Variants in MAP3K5 observed in about 807,000 individuals in gnomAD.
MAP3K5 encodes the protein ASK-1.
Under a neutral mutation model 158.7 loss-of-function variants are expected in MAP3K5, and 56 were observed. The observed-to-expected ratio is 0.35, with a 90% confidence interval of 0.28 to 0.44. The LOEUF (loss-of-function observed/expected upper bound fraction) is 0.44. Among genes scored for constraint, MAP3K5 ranks in the 20% least tolerant of loss-of-function variants. MAP3K5 has a pLI of 1.00. For synonymous variants in MAP3K5, 579 were observed against 601.7 expected, an observed-to-expected ratio of 0.96 and a Z score of 0.55; for missense variants, 1,294 against 1,674.8, an observed-to-expected ratio of 0.77 and a Z score of 3.97.
intron 1 of MAP3K5, among the ~76,000 whole-genome samples, chr6:136,775,333 A>G (rs1395048714): frequency 1.3e-5 from 2 of 152,212 alleles, no homozygotes; most frequent in Admixed American, 1.3e-4. Context: ...AAATGGGACA[A>G]TGACAAGTCT....
At chr6:136,655,145 C>T (rs1460449950) in intron 10 of MAP3K5, among the ~76,000 whole-genome samples, 1 of 152,110 alleles carries the variant, frequency 6.6e-6, no homozygotes, top group East Asian at 1.9e-4. Flanking sequence ...TCTAAACGGG[C>T]TCAAAGTGAC....
At chr6:136,653,463 G>C (rs1010568434) in intron 10 of MAP3K5, among the ~76,000 whole-genome samples, 3 of 152,160 alleles carry the variant, frequency 2.0e-5, no homozygotes, top group African/African-American at 7.2e-5. Flanking sequence ...TGCAACCTTT[G>C]TAGTGTGAGC....
chr6:136,703,844 G>A (rs954409605), intron 3 of MAP3K5, among the ~76,000 whole-genome samples: 4 of 152,194 alleles, frequency 2.6e-5, no homozygotes, highest in African/African-American at 7.2e-5. Flanking sequence ...ATTAGCAATT[G>A]TATTGTTAAT....
At chr6:136,636,396 T>C (rs1203592894) in intron 14 of MAP3K5, among the ~76,000 whole-genome samples, 4 of 152,228 alleles carry the variant, frequency 2.6e-5, no homozygotes, top group Non-Finnish European at 5.9e-5. Context: ...ACAAGCCACA[T>C]TGTTTACAGT....
chr6:136,608,407 C>T (rs1469668356), intron 18 of MAP3K5, among the ~76,000 whole-genome samples: 1 of 151,998 alleles, frequency 6.6e-6, no homozygotes, highest in East Asian at 1.9e-4. Context: ...GGGAAGCCAC[C>T]GAAAATGCAG....
intron 1 of MAP3K5, among the ~76,000 whole-genome samples, chr6:136,767,825 G>C (rs1184962530): frequency 6.6e-6 from 1 of 152,184 alleles, no homozygotes; most frequent in Non-Finnish European, 1.5e-5. Context: ...TGTGGTACTG[G>C]CATAAGGACA....
chr6:136,709,579 C>G (rs971385842), intron 2 of MAP3K5, among the ~76,000 whole-genome samples: 2 of 152,074 alleles, frequency 1.3e-5, no homozygotes, highest in Admixed American at 6.6e-5. Flanking sequence ...GTGGTGAGTA[C>G]TGAGTGAGCA....
intron 7 of MAP3K5, among the ~76,000 whole-genome samples, chr6:136,691,483 T>C (rs1780385075): frequency 6.6e-6 from 1 of 151,982 alleles, no homozygotes. Flanking sequence ...TGGTGGGGCA[T>C]GCCTGTAATC....
rs532609018 is a variant in MAP3K5, at chr6:136,769,910, G to A, written c.448+21800C>T. Among the ~76,000 whole-genome samples, 7 of 147,526 alleles carry A rather than the reference G, an allele frequency of 4.7e-5. No homozygotes were observed. The South Asian group carries it at 1.6e-3, about 33-fold the overall frequency. The stretch of plus-strand genomic sequence containing the variant: ...AAGGGAAAGGAAGGAGAAAGGGAGG[G>A]AGGGAAGGAGGAAGAGAAAAAGAGA... On this transcript the variant is annotated intron_variant, in intron 1 of 29. Transcript: ENST00000359015.
At chr6:136,791,547 C>G (rs1444627137) in intron 1 of MAP3K5, among the ~76,000 whole-genome samples, 163 bp downstream of exon 1, 2 of 152,236 alleles carry the variant, frequency 1.3e-5, no homozygotes, top group Non-Finnish European at 2.9e-5. Flanking sequence ...CACGCTCTCT[C>G]CGGAGCGGCG....
At chr6:136,634,907 G>A (rs1447220396) in intron 14 of MAP3K5, among the ~76,000 whole-genome samples, 13 of 146,688 alleles carry the variant, frequency 8.9e-5, no homozygotes, top group Non-Finnish European at 3.0e-5. Flanking sequence ...TTTTTGAGAC[G>A]GAGTTTTGCT....
At chr6:136,565,918 T>C (rs950774552) in intron 26 of MAP3K5, among the ~76,000 whole-genome samples, 1 of 152,104 alleles carries the variant, frequency 6.6e-6, no homozygotes, top group Admixed American at 6.5e-5. Flanking sequence ...CAAATGTAAA[T>C]ATGCAGAGGA....
In MAP3K5 at chr6:136,656,511, G is replaced by A. The variant is rs542555066; in HGVS notation, c.1527-51C>T. ...GTAACAGACAAATTTAGAACCACCT[G>A]TTCCCATGTATCCCAGTCTAATTCT... On this transcript the variant is annotated intron_variant, in intron 9 of 29. Transcript: ENST00000359015. 32 of 1,147,292 alleles carry A rather than the reference G, an allele frequency of 2.8e-5. No individual in the cohort carries two copies. In the East Asian group the frequency reaches 6.2e-4, roughly 22 times the overall value. The allele number at this position is 1,147,292 out of a possible 1,614,324, so 71.1% of individuals were successfully genotyped here.
intron 21 of MAP3K5, among the ~76,000 whole-genome samples, chr6:136,599,688 A>C (rs1281444956): frequency 6.6e-6 from 1 of 152,218 alleles, no homozygotes; most frequent in East Asian, 1.9e-4. Flanking sequence ...TTATTCCCAG[A>C]ACCAAATCTG....
chr6:136,648,651 G>A (rs1385996211), intron 11 of MAP3K5, among the ~76,000 whole-genome samples: 2 of 152,156 alleles, frequency 1.3e-5, no homozygotes, highest in Non-Finnish European at 2.9e-5. Context: ...CATGCATTCT[G>A]GGTGCTGCTT....
chr6:136,756,109 C>T (rs1011716086), intron 1 of MAP3K5, among the ~76,000 whole-genome samples: 4 of 150,414 alleles, frequency 2.7e-5, no homozygotes. Flanking sequence ...GAGTTCAAGA[C>T]GAGCCTAGGC....
At chr6:136,697,035 G>T (rs919606769) in intron 5 of MAP3K5, among the ~76,000 whole-genome samples, 184 bp downstream of exon 5, 1 of 152,174 alleles carries the variant, frequency 6.6e-6, no homozygotes, top group African/African-American at 2.4e-5. Flanking sequence ...AATCACTGAT[G>T]GTTAACTCAC....
Position 136,698,718 on chromosome 6 carries a change from G to T in MAP3K5, c.613-36C>A, listed in dbSNP as rs771871162. 3.4e-5 allele frequency: 52 copies of T among 1,513,824 alleles called. 2 individuals carry two copies. In the South Asian group the frequency reaches 5.6e-4, roughly 16 times the overall value. 93.8% of individuals were successfully genotyped at this position (1,513,824 alleles called of 1,614,324 possible). A position where few individuals can be genotyped will look rare whatever the true frequency, so the allele number is the denominator to read the frequency against. On this transcript the variant is annotated intron_variant, in intron 3 of 29. Transcript: ENST00000359015. ...AGGAGGCATCGGCAAGTGGGGAGCTGGCCTGGAGACACGGCACAGATGGAA... is the reference window on the plus strand; with the variant it reads ...AGGAGGCATCGGCAAGTGGGGAGCTTGCCTGGAGACACGGCACAGATGGAA...
At position 136,724,240 on chromosome 6, in the gene MAP3K5, G is replaced by A. The variant is rs577915888; in HGVS notation, c.449-3651C>T. On this transcript the variant is annotated intron_variant, in intron 1 of 29. Coordinates refer to ENST00000359015, the MANE Select transcript of MAP3K5 (RefSeq NM_005923.4). Reference sequence around the variant, plus strand: ...TGCAGAAAGTTTTCGGATTAAGAGAGAAACTGACTTTTTTTTTTTTTTTTT... The same window carrying A: ...TGCAGAAAGTTTTCGGATTAAGAGAAAAACTGACTTTTTTTTTTTTTTTTT... Among the ~76,000 whole-genome samples the A allele has an allele frequency of 5.4e-5, 8 of 149,430 alleles. No individual in the cohort carries two copies. In the South Asian group the frequency reaches 6.3e-4, roughly 12 times the overall value.
Sources: allele counts gnomAD v4.1 joint callset (sites outside exome capture counted in the v4.1 genomes callset), GRCh38; gene constraint gnomAD v4.1.1; transcripts MANE v1.5; gene names NCBI Gene and HGNC (gene_info 2026-07-23, HGNC 2026-07-21).